Variants in CACNB4 observed in about 807,000 individuals in gnomAD.
CACNB4 encodes calcium voltage-gated channel auxiliary subunit beta 4.
A neutral mutation model predicts 71.2 loss-of-function variants in CACNB4; 32 were observed. That is an observed-to-expected ratio of 0.45 (90% CI 0.34 to 0.60). The LOEUF (loss-of-function observed/expected upper bound fraction) is 0.60, where lower values mean the gene tolerates loss of function less well. CACNB4 is among the 20% of genes least tolerant of loss of function. CACNB4 has a pLI of 0.01. For missense variants in CACNB4, 464 were observed against 647.9 expected, an observed-to-expected ratio of 0.72 and a Z score of 3.08; for synonymous variants, 231 against 236.9, an observed-to-expected ratio of 0.97 and a Z score of 0.23.
At chr2:151,846,008 A>G (rs186741071) in intron 12 of CACNB4, among the ~76,000 whole-genome samples, 1 of 152,378 alleles carries the variant, frequency 6.6e-6, no homozygotes, top group East Asian at 1.9e-4. Context: ...CAGAGAAGAA[A>G]GAAAGGGGAA....
intron 2 of CACNB4, among the ~76,000 whole-genome samples, chr2:152,090,567 T>C (rs1223006843): frequency 6.6e-6 from 1 of 150,496 alleles, no homozygotes; most frequent in Non-Finnish European, 1.5e-5. Flanking sequence ...TGCTTGAACC[T>C]GGGAGGCAGA....
intron 2 of CACNB4, among the ~76,000 whole-genome samples, chr2:152,067,380 T>A (rs1686397982): frequency 7.0e-6 from 1 of 143,280 alleles, no homozygotes; most frequent in Non-Finnish European, 1.5e-5. Context: ...TATAGAGATG[T>A]GTGTGTGTGG....
At chr2:151,996,433 C>T (rs926320476) in intron 2 of CACNB4, among the ~76,000 whole-genome samples, 1 of 149,762 alleles carries the variant, frequency 6.7e-6, no homozygotes, top group Admixed American at 6.7e-5. Flanking sequence ...GCTGTGATCA[C>T]GCTGCTGCAC....
intron 2 of CACNB4, among the ~76,000 whole-genome samples, chr2:151,922,514 T>G (rs527405095): frequency 6.6e-6 from 1 of 152,330 alleles, no homozygotes; most frequent in Admixed American, 6.5e-5. Flanking sequence ...ATAAGCAACT[T>G]TAACTCCCAT....
At chr2:151,914,664 T>G (rs913246192) in intron 2 of CACNB4, among the ~76,000 whole-genome samples, 1 of 152,102 alleles carries the variant, frequency 6.6e-6, no homozygotes, top group Admixed American at 6.5e-5. Context: ...GTGGGGGCCT[T>G]TTGTTGTTGT....
chr2:151,923,971 G>T (rs191608652), intron 2 of CACNB4, among the ~76,000 whole-genome samples: 40 of 151,676 alleles, frequency 2.6e-4, no homozygotes, highest in Admixed American at 7.9e-4. Flanking sequence ...CATTCAGAGG[G>T]ACTGGTTTTT....
chr2:152,077,021 G>C (rs577978900), intron 2 of CACNB4, among the ~76,000 whole-genome samples: 2 of 152,344 alleles, frequency 1.3e-5, no homozygotes, highest in Non-Finnish European at 2.9e-5. Flanking sequence ...TAATGTTTGG[G>C]TTGGGGAATG....
intron 9 of CACNB4, among the ~76,000 whole-genome samples, chr2:151,863,485 G>A (rs2099842282): frequency 6.6e-6 from 1 of 152,194 alleles, no homozygotes; most frequent in Admixed American, 6.5e-5. Context: ...AAGTCGGTGG[G>A]TTTAGGGACA....
At chr2:152,039,498 C>T (rs1684769204) in intron 2 of CACNB4, among the ~76,000 whole-genome samples, 1 of 152,082 alleles carries the variant, frequency 6.6e-6, no homozygotes, top group Non-Finnish European at 1.5e-5. Flanking sequence ...GAAGCCTACA[C>T]TTCTCCTACT....
At chr2:151,977,127 A>T (rs1250903936) in intron 2 of CACNB4, among the ~76,000 whole-genome samples, 2 of 152,088 alleles carry the variant, frequency 1.3e-5, no homozygotes, top group Non-Finnish European at 2.9e-5. Context: ...GAACCCACCT[A>T]CCTCTCATTA....
intron 2 of CACNB4, among the ~76,000 whole-genome samples, chr2:152,074,337 C>T (rs1274800733): frequency 3.3e-5 from 5 of 151,892 alleles, no homozygotes; most frequent in African/African-American, 1.2e-4. Flanking sequence ...ACCCTCACCA[C>T]TACCATCATG....
At chr2:152,036,808 G>A (rs1684620660) in intron 2 of CACNB4, among the ~76,000 whole-genome samples, 1 of 152,136 alleles carries the variant, frequency 6.6e-6, no homozygotes, top group African/African-American at 2.4e-5. Context: ...ACCATGGCTG[G>A]AGGACATGTC....
At chr2:152,002,881 G>A (rs1682504634) in intron 2 of CACNB4, among the ~76,000 whole-genome samples, 1 of 152,196 alleles carries the variant, frequency 6.6e-6, no homozygotes, top group Non-Finnish European at 1.5e-5. Flanking sequence ...ATTCCTATTT[G>A]AAATAACTTA....
chr2:151,925,884 G>A (rs1035471535), intron 2 of CACNB4, among the ~76,000 whole-genome samples: 1 of 152,154 alleles, frequency 6.6e-6, no homozygotes, highest in African/African-American at 2.4e-5. Flanking sequence ...AATCCAAGGT[G>A]TTTGACCCAA....
intron 2 of CACNB4, among the ~76,000 whole-genome samples, chr2:152,057,308 C>A (rs555090780): frequency 6.6e-6 from 1 of 152,294 alleles, no homozygotes; most frequent in South Asian, 2.1e-4. Flanking sequence ...AGCTGACACC[C>A]TCATTGCAGC....
chr2:151,854,392 G>A (rs141808071), intron 11 of CACNB4: 104 of 152,348 alleles, frequency 6.8e-4, no homozygotes, highest in African/African-American at 2.4e-3. Flanking sequence ...TAGATGGAAG[G>A]CTAGGATCTC....
chr2:151,949,591 CTG>C (rs1011358338), intron 2 of CACNB4, among the ~76,000 whole-genome samples: 1 of 151,988 alleles, frequency 6.6e-6, no homozygotes, highest in Non-Finnish European at 1.5e-5. Context: ...GCAAGGATGG[CTG>C]TGAGAAAGAG....
intron 3 of CACNB4, among the ~76,000 whole-genome samples, chr2:151,881,542 A>T (rs1315904535): frequency 1.3e-5 from 2 of 152,250 alleles, no homozygotes; most frequent in Non-Finnish European, 2.9e-5. Context: ...AGGCTGGCAC[A>T]GCACTGTGGG....
intron 9 of CACNB4, chr2:151,868,187 GT>G (rs2099843673): frequency 6.6e-6 from 1 of 152,074 alleles, no homozygotes. Flanking sequence ...TCTATCTGAA[GT>G]TTTTTTACAT....
Sources: gnomAD v4.1 joint callset for allele counts (sites outside exome capture counted in the v4.1 genomes callset) on GRCh38, gnomAD v4.1.1 for gene constraint, MANE v1.5 for transcripts, NCBI Gene and HGNC (gene_info 2026-07-23, HGNC 2026-07-21) for gene names.